CENPP: variants seen among roughly 807,000 people sequenced by gnomAD.
CENPP encodes the protein centromere protein P.
CENPP carries 24 observed loss-of-function variants against 35.6 expected under a neutral mutation model. The observed-to-expected ratio is 0.67, with a 90% CI of 0.49 to 0.95. The LOEUF (loss-of-function observed/expected upper bound fraction) is 0.95. CENPP is among the 40% of genes least tolerant of loss of function. The pLI is 0.00. For synonymous variants in CENPP, 120 were observed against 125.5 expected (o/e 0.96, Z 0.29); for missense variants, 332 against 345.3 (o/e 0.96, Z 0.31).
At chr9:92,603,648 G>T (rs1315134956) in intron 5 of CENPP, among the ~76,000 whole-genome samples, 1 of 151,916 alleles carries the variant, frequency 6.6e-6, no homozygotes, top group African/African-American at 2.4e-5. Flanking sequence ...CACCTCTCCT[G>T]CCTTACCTCA....
chr9:92,573,143 G>A (rs1048600553), intron 5 of CENPP, among the ~76,000 whole-genome samples: 2 of 152,196 alleles, frequency 1.3e-5, no homozygotes, highest in Non-Finnish European at 2.9e-5. Flanking sequence ...TTGCTGGCGA[G>A]GAGCTGCGTT....
intron 5 of CENPP, among the ~76,000 whole-genome samples, chr9:92,484,678 C>T (rs1341657659): frequency 6.6e-6 from 1 of 152,160 alleles, no homozygotes; most frequent in Non-Finnish European, 1.5e-5. Context: ...TGCATGGCAA[C>T]TGTTGTCTCT....
At position 92,471,791 on chromosome 9, in the gene CENPP, C is replaced by T. The variant is rs147436402; in HGVS notation, c.564+91932C>T. ...TAGTGATTCTTCTGCCTTAGCCTCC[C>T]GAGTAGCTAGGATGTGTACCACCAT... On this transcript the variant is annotated intron_variant, in intron 5 of 7. Coordinates refer to ENST00000375587, the MANE Select transcript of CENPP (RefSeq NM_001012267.3). 4.0e-3 allele frequency among the ~76,000 whole-genome samples: 605 copies of T among 151,956 alleles called. 5 individuals are homozygous for T. Among genetic ancestry groups the T allele is most frequent in the Non-Finnish European group, 2.2e-3 (152 of 67,948 alleles).
intron 5 of CENPP, among the ~76,000 whole-genome samples, chr9:92,412,075 A>G (rs1843459603): frequency 6.6e-6 from 1 of 152,076 alleles, no homozygotes; most frequent in Admixed American, 6.5e-5. Flanking sequence ...TAATTAATGA[A>G]TTAATTAATT....
intron 5 of CENPP, among the ~76,000 whole-genome samples, chr9:92,453,514 T>C (rs1322950046): frequency 6.6e-6 from 1 of 152,196 alleles, no homozygotes; most frequent in Non-Finnish European, 1.5e-5. Flanking sequence ...AGAGCTTCAC[T>C]TCCAACTATA....
rs1438810059 is a variant in CENPP, at chr9:92,614,958, G to A, written c.*1809G>A. ...AACCCGAGGGAGGAACTTGGTCTGG[G>A]AGGAAGAGAGAACTCGCTCCTCAAC... On this transcript the variant is annotated 3_prime_UTR_variant, in exon 8 of 8. Transcript: ENST00000375587. 1 of 152,306 alleles carries A rather than the reference G, an allele frequency of 6.6e-6. No individual in the cohort carries two copies. The highest frequency in any genetic ancestry group is 1.5e-5 in the Non-Finnish European group (1 of 68,076). The allele number at this position is 152,306 out of a possible 1,614,324, so 9.4% of individuals were successfully genotyped here.
At chr9:92,594,476 T>C (rs1273298268) in intron 5 of CENPP, among the ~76,000 whole-genome samples, 1 of 152,252 alleles carries the variant, frequency 6.6e-6, no homozygotes, top group Non-Finnish European at 1.5e-5. Flanking sequence ...AAAGGTGTTA[T>C]GAGGTGTTAA....
At chr9:92,543,903 T>C (rs1446976200) in intron 5 of CENPP, among the ~76,000 whole-genome samples, 3 of 152,232 alleles carry the variant, frequency 2.0e-5, no homozygotes, top group African/African-American at 7.2e-5. Context: ...GCAAACTTTA[T>C]TGAATTCATT....
At chr9:92,358,098 T>G (rs1204699054) in intron 4 of CENPP, among the ~76,000 whole-genome samples, 2 of 152,082 alleles carry the variant, frequency 1.3e-5, no homozygotes, top group African/African-American at 4.8e-5. Context: ...ATGTTTTATA[T>G]TCATATCTTT....
At chr9:92,509,698 G>A (rs1198987176) in intron 5 of CENPP, among the ~76,000 whole-genome samples, 1 of 152,172 alleles carries the variant, frequency 6.6e-6, no homozygotes, top group Non-Finnish European at 1.5e-5. Context: ...CATGGGTAAG[G>A]TACAAAGACA....
intron 5 of CENPP, among the ~76,000 whole-genome samples, chr9:92,501,699 A>G (rs956273259): frequency 6.6e-6 from 1 of 152,264 alleles, no homozygotes; most frequent in South Asian, 2.1e-4. Context: ...CTCTGCCTAC[A>G]GTGGGCTCAG....
chr9:92,414,218 T>C (rs528719903), intron 5 of CENPP: 13 of 179,486 alleles, frequency 7.2e-5, no homozygotes, highest in African/African-American at 2.8e-4. Flanking sequence ...TTTTAGCTTA[T>C]GTAGATATTG....
chr9:92,386,164 T>G lies in CENPP; in HGVS notation c.564+6305T>G, dbSNP rs771031441. 4 of 1,432,056 alleles carry G rather than the reference T, an allele frequency of 2.8e-6. No homozygotes were observed. In the Admixed American group the frequency reaches 5.0e-5, roughly 18 times the overall value. The allele number at this position is 1,432,056 out of a possible 1,614,324, so 88.7% of individuals were successfully genotyped here. On this transcript the variant is annotated intron_variant, in intron 5 of 7. Coordinates refer to ENST00000375587, the MANE Select transcript of CENPP (RefSeq NM_001012267.3). ...GAGTCACAAGATTTTGACTCATAGG[T>G]AATTAGAGTCAGATATTGTGAAAGG...
Position 92,336,290 on chromosome 9 carries a change from C to T in CENPP, c.290-1251C>T, listed in dbSNP as rs1588035909. Among the ~76,000 whole-genome samples, 3 of 152,262 alleles carry T rather than the reference C, an allele frequency of 2.0e-5. No individual in the cohort carries two copies. In the South Asian group the frequency reaches 6.2e-4, roughly 31 times the overall value. On this transcript the variant is annotated intron_variant, in intron 2 of 7. Transcript: ENST00000375587. ...GCAAATTATGTCAATTTGTACCATT[C>T]TGTCTTTTTTTCCTAACTACTTATT...
At chr9:92,546,684 C>T (rs530227898) in intron 5 of CENPP, among the ~76,000 whole-genome samples, 40 of 152,288 alleles carry the variant, frequency 2.6e-4, no homozygotes, top group African/African-American at 7.5e-4. Context: ...TGAGGGTCCG[C>T]GGCTTCATTC....
At chr9:92,385,922 A>C (rs1477789285) in intron 5 of CENPP, 1 of 798,150 alleles carries the variant, frequency 1.3e-6, no homozygotes, top group Non-Finnish European at 2.0e-6. Flanking sequence ...CAAATTAATT[A>C]GGAAATACTC....
At chr9:92,545,831 A>T (rs10118107) in intron 5 of CENPP, among the ~76,000 whole-genome samples, 1 of 151,660 alleles carries the variant, frequency 6.6e-6, no homozygotes, top group Admixed American at 6.6e-5. Flanking sequence ...CAATCAGCAC[A>T]CTGTGTCTAG....
chr9:92,422,046 C>G (rs1843816099), intron 5 of CENPP, among the ~76,000 whole-genome samples: 1 of 151,520 alleles, frequency 6.6e-6, no homozygotes, highest in Non-Finnish European at 1.5e-5. Context: ...TATAGTATAA[C>G]ATATTAACTT....
intron 5 of CENPP, among the ~76,000 whole-genome samples, chr9:92,575,040 A>T (rs1310633595): frequency 1.3e-5 from 2 of 152,210 alleles, no homozygotes; most frequent in African/African-American, 4.8e-5. Context: ...AACCTTAGCT[A>T]ACACCATATA....
Sources: gnomAD v4.1 joint callset for allele counts (sites outside exome capture counted in the v4.1 genomes callset) on GRCh38, gnomAD v4.1.1 for gene constraint, MANE v1.5 for transcripts, NCBI Gene and HGNC (gene_info 2026-07-23, HGNC 2026-07-21) for gene names.